ZNF385D: variants seen among roughly 807,000 people sequenced by gnomAD.
ZNF385D encodes the protein zinc finger protein 659.
ZNF385D carries 15 observed loss-of-function variants against 35.8 expected under a neutral mutation model. The ratio of observed to expected loss-of-function variants is 0.42; its 90% CI spans 0.28 to 0.64. The LOEUF is 0.64. Among genes scored for constraint, ZNF385D ranks in the 30% least tolerant of loss-of-function variants. The probability of loss-of-function intolerance (pLI) is 0.23; values close to 1 mark genes in which losing one functional copy is unlikely to be tolerated. For synonymous variants in ZNF385D, 212 were observed against 186.8 expected (o/e 1.13, Z -1.10); for missense variants, 474 against 494.6 (o/e 0.96, Z 0.39).
chr3:22,356,824 A>G (rs138982126), intron 2 of ZNF385D, among the ~76,000 whole-genome samples: 1 of 151,880 alleles, frequency 6.6e-6, no homozygotes, highest in Non-Finnish European at 1.5e-5. Flanking sequence ...ACATTTTACA[A>G]AGTAGATTCA....
intron 3 of ZNF385D, among the ~76,000 whole-genome samples, chr3:22,049,506 A>G (rs1699215001): frequency 6.6e-6 from 1 of 151,816 alleles, no homozygotes; most frequent in African/African-American, 2.4e-5. Flanking sequence ...GATGCCTTTT[A>G]TTTCTTTATC....
At chr3:21,909,557 A>AG (rs1699859057) in intron 3 of ZNF385D, among the ~76,000 whole-genome samples, 2 of 151,686 alleles carry the variant, frequency 1.3e-5, no homozygotes, top group Non-Finnish European at 2.9e-5. Context: ...GAGAGTTAGT[A>AG]GATAGGCATA....
intron 2 of ZNF385D, among the ~76,000 whole-genome samples, chr3:22,342,346 C>T (rs1294495461): frequency 6.8e-6 from 1 of 147,424 alleles, no homozygotes; most frequent in East Asian, 2.1e-4. Context: ...TTACCAGTTA[C>T]TCAGGCTAAA....
chr3:22,171,967 C>T (rs958640551), intron 2 of ZNF385D, among the ~76,000 whole-genome samples: 2 of 151,360 alleles, frequency 1.3e-5, no homozygotes, highest in African/African-American at 2.4e-5. Context: ...AGGCAATATT[C>T]GTAAGCAATT....
chr3:21,815,857 G>A (rs990397818), intron 3 of ZNF385D, among the ~76,000 whole-genome samples: 3 of 152,038 alleles, frequency 2.0e-5, no homozygotes, highest in South Asian at 2.1e-4. Flanking sequence ...TGATACCAAC[G>A]CCTGGCAGAG....
chr3:21,521,145 T>C (rs1707876390), intron 3 of ZNF385D, among the ~76,000 whole-genome samples: 1 of 152,232 alleles, frequency 6.6e-6, no homozygotes, highest in Non-Finnish European at 1.5e-5. Flanking sequence ...AATGTTCAAT[T>C]ATTAATGAGA....
At chr3:21,703,126 A>G (rs187591291) in intron 1 of ZNF385D, among the ~76,000 whole-genome samples, 1 of 152,300 alleles carries the variant, frequency 6.6e-6, no homozygotes, top group East Asian at 1.9e-4. Flanking sequence ...CATACCAGAG[A>G]CCAGGAAGAA....
chr3:22,058,431 C>T (rs189980930), intron 3 of ZNF385D, among the ~76,000 whole-genome samples: 1 of 152,160 alleles, frequency 6.6e-6, no homozygotes. Context: ...TTTGCTCATT[C>T]CAGCTCTCCC....
intron 1 of ZNF385D, among the ~76,000 whole-genome samples, chr3:21,695,757 T>TTATA (rs140836853): frequency 7.1e-4 from 106 of 149,620 alleles, no homozygotes; most frequent in Non-Finnish European, 1.1e-3. Context: ...TAAATATATA[T>TTATA]TATATATATA....
Position 21,437,063 on chromosome 3 carries a change from C to T in ZNF385D, c.580G>A (p.Glu194Lys), listed in dbSNP as rs779622725. Residue 194 changes from glutamate to lysine, a missense_variant, in exon 5 of 8, where the codon GAG becomes AAG. Physicochemically the swap from Glu to Lys is moderately conservative, Grantham distance 56. Coordinates refer to ENST00000281523, the MANE Select transcript of ZNF385D (RefSeq NM_024697.3). The part of the protein sequence containing the change: ...ATGNSSCPST[E>K]TEEEKAKRLL... ...CGTTTTGCCTTTTCTTCCTCGGTCT[C>T]AGTAGAAGGACATGAGCTATTGCCA... 2.5e-6 allele frequency: 4 copies of T among 1,613,876 alleles called. No homozygotes were observed. In the African/African-American group the frequency reaches 5.3e-5, roughly 22 times the overall value.
At chr3:22,198,461 G>C (rs1696566975) in intron 2 of ZNF385D, among the ~76,000 whole-genome samples, 1 of 152,082 alleles carries the variant, frequency 6.6e-6, no homozygotes, top group African/African-American at 2.4e-5. Context: ...TAATTGATGG[G>C]ACCTTGTTTA....
chr3:22,257,900 G>A (rs1039739034), intron 2 of ZNF385D, among the ~76,000 whole-genome samples: 1 of 151,726 alleles, frequency 6.6e-6, no homozygotes, highest in African/African-American at 2.4e-5. Flanking sequence ...TAAAAAATTA[G>A]GTTACCAATG....
intron 2 of ZNF385D, among the ~76,000 whole-genome samples, chr3:22,351,288 C>T (rs1695905048): frequency 6.6e-6 from 1 of 152,026 alleles, no homozygotes; most frequent in Non-Finnish European, 1.5e-5. Flanking sequence ...CAAAGCCCCT[C>T]CCTAGAAAGC....
intron 3 of ZNF385D, among the ~76,000 whole-genome samples, chr3:22,044,277 C>A: frequency 6.6e-6 from 1 of 151,782 alleles, no homozygotes; most frequent in East Asian, 1.9e-4. Flanking sequence ...TGGGACCAGT[C>A]GTCTTTGGAA....
At position 21,563,680 on chromosome 3, in the gene ZNF385D, A is replaced by G. The variant is rs546890656; in HGVS notation, c.276+894T>C. Among the ~76,000 whole-genome samples the G allele has an allele frequency of 1.1e-4, 16 of 152,282 alleles. No individual in the cohort carries two copies. In the South Asian group the frequency reaches 3.1e-3, roughly 30 times the overall value. On this transcript the variant is annotated intron_variant, in intron 3 of 7. Transcript: ENST00000281523. ...TTCAGATCTGTTTGGTCATCTCCAC[A>G]AAGTGTATCAACTTAGGACGAGAAA... is the stretch of plus-strand genomic sequence containing the variant.
intron 1 of ZNF385D, among the ~76,000 whole-genome samples, chr3:21,714,366 C>T (rs1347580902): frequency 6.6e-6 from 1 of 152,144 alleles, no homozygotes; most frequent in Non-Finnish European, 1.5e-5. Context: ...TTTCCCCATC[C>T]ACTTCTGAGC....
intron 3 of ZNF385D, among the ~76,000 whole-genome samples, chr3:21,815,909 G>A (rs1385590648): frequency 6.6e-6 from 1 of 152,144 alleles, no homozygotes; most frequent in Non-Finnish European, 1.5e-5. Context: ...TATCCCTGAT[G>A]AACATCGATG....
At chr3:21,733,346 T>A (rs924445198) in intron 1 of ZNF385D, among the ~76,000 whole-genome samples, 1 of 152,190 alleles carries the variant, frequency 6.6e-6, no homozygotes, top group Admixed American at 6.5e-5. Flanking sequence ...CCTCCTTCAA[T>A]ATTATGTTGG....
intron 2 of ZNF385D, among the ~76,000 whole-genome samples, chr3:22,216,799 T>C (rs1453534176): frequency 6.6e-6 from 1 of 152,062 alleles, no homozygotes; most frequent in African/African-American, 2.4e-5. Flanking sequence ...GTCTCGTCAA[T>C]GAAAAATTAT....
Sources: gnomAD v4.1 joint callset for allele counts (sites outside exome capture counted in the v4.1 genomes callset) on GRCh38, gnomAD v4.1.1 for gene constraint, MANE v1.5 for transcripts, NCBI Gene and HGNC (gene_info 2026-07-23, HGNC 2026-07-21) for gene names.